DHRS7B: variants seen among roughly 807,000 people sequenced by gnomAD.
DHRS7B encodes the protein dehydrogenase/reductase 7B, also known as peroxisomal reductase activating PPAR-gamma.
A neutral mutation model predicts 26.4 loss-of-function variants in DHRS7B; 24 were observed. That is an observed-to-expected ratio of 0.91 (90% CI 0.66 to 1.28). DHRS7B has a LOEUF of 1.28. Ranked by LOEUF, DHRS7B falls within the 50% of genes most tolerant of loss-of-function variation. The pLI is 0.00. For synonymous variants in DHRS7B, 142 were observed against 166.4 expected, an observed-to-expected ratio of 0.85 and a Z score of 1.13; for missense variants, 368 against 419.4, an observed-to-expected ratio of 0.88 and a Z score of 1.07.
chr17:21,190,923 GTTTCT>G lies in DHRS7B; in HGVS notation c.773-21_773-17del. 2 of 1,612,036 alleles carry G rather than the reference GTTTCT, an allele frequency of 1.2e-6. No individual in the cohort carries two copies. Among genetic ancestry groups the G allele is most frequent in the Non-Finnish European group, 1.7e-6 (2 of 1,179,294 alleles). Reference sequence around the variant, plus strand: ...GGGACCTCTGCTTCCAAGTTCATGTGTTTCTTTTGTTTTATTTATTTTAGTTATGG... The same window carrying G: ...GGGACCTCTGCTTCCAAGTTCATGTGTTTGTTTTATTTATTTTAGTTATGG... On this transcript the variant is annotated intron_variant, in intron 6 of 6. Coordinates refer to ENST00000395511, the MANE Select transcript of DHRS7B (RefSeq NM_015510.5).
Position 21,147,035 on chromosome 17 carries a change from T to C in DHRS7B, c.20+20044T>C, listed in dbSNP as rs899009560. Among the ~76,000 whole-genome samples, 3 of 152,234 alleles carry C rather than the reference T, an allele frequency of 2.0e-5. No individual in the cohort carries two copies. In the South Asian group the frequency reaches 6.2e-4, roughly 32 times the overall value. On this transcript the variant is annotated intron_variant, in intron 1 of 6. Coordinates refer to ENST00000395511, the MANE Select transcript of DHRS7B (RefSeq NM_015510.5). Reference sequence around the variant, plus strand: ...CTACTATGAAGACATTTGGATAGGATTATTTCAGAGACATAATTTCTGTGT... The same window carrying C: ...CTACTATGAAGACATTTGGATAGGACTATTTCAGAGACATAATTTCTGTGT...
At chr17:21,151,046 G>A (rs1004741224) in intron 1 of DHRS7B, among the ~76,000 whole-genome samples, 8 of 152,172 alleles carry the variant, frequency 5.3e-5, no homozygotes, top group Admixed American at 1.3e-4. Context: ...TAGATACATC[G>A]TAGTCAAACT....
chr17:21,139,291 C>T (rs564697888), intron 1 of DHRS7B, among the ~76,000 whole-genome samples: 13 of 152,112 alleles, frequency 8.5e-5, no homozygotes, highest in African/African-American at 2.9e-4. Flanking sequence ...ATTACACAAG[C>T]GAAGATCATT....
intron 1 of DHRS7B, among the ~76,000 whole-genome samples, chr17:21,137,561 G>A (rs1973374843): frequency 6.6e-6 from 1 of 151,666 alleles, no homozygotes; most frequent in Non-Finnish European, 1.5e-5. Flanking sequence ...GGGTTCAAGT[G>A]ATTCTCCTGC....
At chr17:21,170,445 AC>A in intron 1 of DHRS7B, among the ~76,000 whole-genome samples, 1 of 152,312 alleles carries the variant, frequency 6.6e-6, no homozygotes, top group South Asian at 2.1e-4. Flanking sequence ...TTTAGATACC[AC>A]CTTAATCCCC....
At chr17:21,152,773 G>T (rs1457376633) in intron 1 of DHRS7B, among the ~76,000 whole-genome samples, 1 of 152,212 alleles carries the variant, frequency 6.6e-6, no homozygotes, top group Non-Finnish European at 1.5e-5. Flanking sequence ...ATTCTTTCAT[G>T]TGGGGAAAAT....
chr17:21,161,819 T>C (rs952985340), intron 1 of DHRS7B, among the ~76,000 whole-genome samples: 1 of 152,072 alleles, frequency 6.6e-6, no homozygotes, highest in Non-Finnish European at 1.5e-5. Context: ...ATGTTGGGAG[T>C]GGCACAGCCT....
At chr17:21,178,601 C>T (rs963172000) in intron 3 of DHRS7B, among the ~76,000 whole-genome samples, 1 of 151,976 alleles carries the variant, frequency 6.6e-6, no homozygotes, top group African/African-American at 2.4e-5. Context: ...TTCCTTTTAC[C>T]TGGCTAAGCT....
Position 21,127,074 on chromosome 17 carries a change from G to T in DHRS7B, c.20+83G>T. ...TGAGGCGACGCCCCGGCTTGGGTGA[G>T]GGGAAGCGGTGTAGTGGTCGAGCTA... is the stretch of plus-strand genomic sequence containing the variant. On this transcript the variant is annotated intron_variant, in intron 1 of 6. Coordinates refer to ENST00000395511, the MANE Select transcript of DHRS7B (RefSeq NM_015510.5). 6 of 1,403,282 alleles carry T rather than the reference G, an allele frequency of 4.3e-6. 1 individual carries two copies. In the South Asian group the frequency reaches 7.5e-5, roughly 18 times the overall value. 86.9% of individuals were successfully genotyped at this position (1,403,282 alleles called of 1,614,324 possible). A position where few individuals can be genotyped will look rare whatever the true frequency, so the allele number is the denominator to read the frequency against.
chr17:21,171,851 T>A, intron 1 of DHRS7B, 167 bp from the exon 2 acceptor site: 1 of 822,958 alleles, frequency 1.2e-6, no homozygotes, highest in Non-Finnish European at 2.1e-6. Flanking sequence ...TCTACAATGC[T>A]GAACAGTCGG....
chr17:21,132,530 C>CAAAAAAAAAAA (rs34728939), intron 1 of DHRS7B, among the ~76,000 whole-genome samples: 3 of 81,650 alleles, frequency 3.7e-5, no homozygotes, highest in Non-Finnish European at 6.4e-5. Context: ...GACCTTGTCT[C>CAAAAAAAAAAA]AAAAAAAAAA....
chr17:21,145,374 G>C (rs1973621022), intron 1 of DHRS7B, among the ~76,000 whole-genome samples: 2 of 151,978 alleles, frequency 1.3e-5, no homozygotes, highest in Non-Finnish European at 2.9e-5. Flanking sequence ...AGTACTTAAT[G>C]GAGTGCTTCT....
In DHRS7B at chr17:21,142,703, G is replaced by A. The variant is rs1490185638; in HGVS notation, c.20+15712G>A. Among the ~76,000 whole-genome samples the A allele has an allele frequency of 5.3e-5, 7 of 132,526 alleles. 1 individual carries two copies. The highest frequency in any genetic ancestry group is 6.5e-5 in the Non-Finnish European group (4 of 61,584). 86.9% of individuals were successfully genotyped at this position (132,526 alleles called of 152,430 possible). Reference sequence around the variant, plus strand: ...CCTCACCCCCCTCCCCCGCCCCGCCGTTACCCTGGGGGCTTCCAGGTCACA... The same window carrying A: ...CCTCACCCCCCTCCCCCGCCCCGCCATTACCCTGGGGGCTTCCAGGTCACA... On this transcript the variant is annotated intron_variant, in intron 1 of 6. Coordinates refer to ENST00000395511, the MANE Select transcript of DHRS7B (RefSeq NM_015510.5).
chr17:21,179,993 C>T (rs747670105), intron 3 of DHRS7B, among the ~76,000 whole-genome samples: 11 of 151,220 alleles, frequency 7.3e-5, no homozygotes, highest in Non-Finnish European at 1.5e-4. Context: ...CTCTAACTCC[C>T]GACCTCAGGC....
rs1020913235 is a variant in DHRS7B at position 21,166,055 on chromosome 17, C to G, written c.21-5963C>G. On this transcript the variant is annotated intron_variant, in intron 1 of 6. Transcript: ENST00000395511. Reference sequence around the variant, plus strand: ...ACAGACTTGGCGCGGGCTCTGCCTCCTGTTCATTGTCACCGCACTCCTGTG... The same window carrying G: ...ACAGACTTGGCGCGGGCTCTGCCTCGTGTTCATTGTCACCGCACTCCTGTG... The G allele has an allele frequency of 4.4e-6, 3 of 677,494 alleles. No homozygotes were observed. In the African/African-American group the frequency reaches 5.9e-5, roughly 13 times the overall value. 42.0% of individuals were successfully genotyped at this position (677,494 alleles called of 1,614,324 possible).
intron 2 of DHRS7B, among the ~76,000 whole-genome samples, chr17:21,176,612 T>C (rs993295224): frequency 3.3e-5 from 5 of 151,872 alleles, no homozygotes; most frequent in African/African-American, 1.2e-4. Flanking sequence ...AAAAAAAATA[T>C]TTTTAATAAA....
intron 1 of DHRS7B, among the ~76,000 whole-genome samples, chr17:21,167,121 G>C (rs924387199): frequency 6.6e-6 from 1 of 152,128 alleles, no homozygotes; most frequent in Non-Finnish European, 1.5e-5. Context: ...GACATAAAGG[G>C]TGACATTTGT....
intron 5 of DHRS7B, among the ~76,000 whole-genome samples, chr17:21,188,202 T>C (rs928135136): frequency 2.6e-5 from 4 of 152,142 alleles, no homozygotes; most frequent in Non-Finnish European, 5.9e-5. Flanking sequence ...ACAGCACAAA[T>C]TACTCCCATG....
At chr17:21,175,337 C>T (rs1208438958) in intron 2 of DHRS7B, among the ~76,000 whole-genome samples, 3 of 152,222 alleles carry the variant, frequency 2.0e-5, no homozygotes, top group South Asian at 2.1e-4. Context: ...CAGTACACAC[C>T]GCCTGCCCCT....
Sources: allele counts gnomAD v4.1 joint callset (sites outside exome capture counted in the v4.1 genomes callset), GRCh38; gene constraint gnomAD v4.1.1; transcripts MANE v1.5; gene names NCBI Gene and HGNC (gene_info 2026-07-23, HGNC 2026-07-21).